The following HLCS variants were observed in gnomAD, a reference collection of about 807,000 sequenced individuals.
HLCS encodes the protein biotin--protein ligase.
HLCS carries 53 observed loss-of-function variants against 75.0 expected under a neutral mutation model. That is an observed-to-expected ratio of 0.71 (90% CI 0.57 to 0.89). HLCS has a LOEUF of 0.89. Among genes scored for constraint, HLCS ranks in the 40% least tolerant of loss-of-function variants. The pLI is 0.00. For synonymous variants in HLCS, 431 were observed against 428.6 expected, an observed-to-expected ratio of 1.01 and a Z score of -0.07; for missense variants, 966 against 1,074.0, an observed-to-expected ratio of 0.90 and a Z score of 1.41.
At position 36,896,928 on chromosome 21, in the gene HLCS, C is replaced by A. The variant is rs758837899; in HGVS notation, c.1824G>T (p.Gln608His). The A allele has an allele frequency of 6.2e-7, 1 of 1,614,194 alleles. No homozygotes were observed. Among genetic ancestry groups the A allele is most frequent in the South Asian group, 1.1e-5 (1 of 91,078 alleles). Residue 608 changes from glutamine to histidine, a missense_variant, in exon 6 of 11, where the codon CAG becomes CAT. Gln to His is a conservative substitution (Grantham distance 24). Coordinates refer to ENST00000674895, the MANE Select transcript of HLCS (RefSeq NM_001352514.2). Reference protein sequence around the residue: ...FNLEIYRQNLQTKQLGKVILF... With the variant: ...FNLEIYRQNLHTKQLGKVILF... ...AAATTACTTTCCCCAACTGCTTGGT[C>A]TGCAGATTTTGGCGATAGATCTCTA...
chr21:36,796,471 C>T (rs1033530720), intron 6 of HLCS, among the ~76,000 whole-genome samples: 1 of 152,156 alleles, frequency 6.6e-6, no homozygotes, highest in Non-Finnish European at 1.5e-5. Flanking sequence ...TTCCCAAAAG[C>T]ATATTTCTTT....
chr21:36,755,378 A>G (rs2089524636), intron 10 of HLCS, among the ~76,000 whole-genome samples: 1 of 151,832 alleles, frequency 6.6e-6, no homozygotes. Context: ...CACTCCAGTG[A>G]CAGAGCAAGA....
intron 6 of HLCS, among the ~76,000 whole-genome samples, chr21:36,813,628 C>T (rs2061575540): frequency 1.3e-5 from 2 of 152,102 alleles, no homozygotes; most frequent in Admixed American, 6.5e-5. Flanking sequence ...ATGAATCAGG[C>T]GGCTCATAAT....
At chr21:36,947,930 G>A (rs1270427954) in intron 2 of HLCS, 11 of 985,148 alleles carry the variant, frequency 1.1e-5, no homozygotes, top group South Asian at 4.7e-5. Context: ...TTAATTCAAC[G>A]TGAAATTGTT....
chr21:36,877,143 T>G (rs186964197), intron 6 of HLCS, among the ~76,000 whole-genome samples: 1 of 152,298 alleles, frequency 6.6e-6, no homozygotes, highest in Admixed American at 6.5e-5. Context: ...ATAATTGAAG[T>G]GTGTCTTGAA....
intron 6 of HLCS, among the ~76,000 whole-genome samples, chr21:36,858,734 G>A (rs768631145): frequency 1.3e-5 from 2 of 152,234 alleles, no homozygotes; most frequent in Non-Finnish European, 2.9e-5. Flanking sequence ...CCTGCCATGA[G>A]GACCTCTGGG....
chr21:36,962,938 A>G (rs1006573211), intron 1 of HLCS, among the ~76,000 whole-genome samples: 1 of 151,936 alleles, frequency 6.6e-6, no homozygotes, highest in Non-Finnish European at 1.5e-5. Flanking sequence ...TTTTCTTTAC[A>G]CCTTCCTTAT....
intron 6 of HLCS, among the ~76,000 whole-genome samples, chr21:36,886,210 T>A (rs2064450623): frequency 6.6e-6 from 1 of 151,822 alleles, no homozygotes. Context: ...GACGGGCGGA[T>A]CACGAGGTCA....
chr21:36,850,534 A>G (rs1015513252), intron 6 of HLCS, among the ~76,000 whole-genome samples: 1 of 152,200 alleles, frequency 6.6e-6, no homozygotes, highest in African/African-American at 2.4e-5. Flanking sequence ...CCCCTCCCAG[A>G]GGCCAGCCCC....
intron 6 of HLCS, among the ~76,000 whole-genome samples, chr21:36,866,889 A>G (rs1186698131): frequency 6.6e-6 from 1 of 151,786 alleles, no homozygotes; most frequent in Non-Finnish European, 1.5e-5. Flanking sequence ...CTATCCGATA[A>G]TATTTCTCCA....
At chr21:36,861,159 C>A (rs1017211886) in intron 6 of HLCS, among the ~76,000 whole-genome samples, 1 of 152,108 alleles carries the variant, frequency 6.6e-6, no homozygotes, top group African/African-American at 2.4e-5. Flanking sequence ...GCATATATAA[C>A]CTACCTTTTA....
intron 6 of HLCS, among the ~76,000 whole-genome samples, chr21:36,874,414 T>TAA (rs1393063915): frequency 3.4e-5 from 5 of 146,752 alleles, no homozygotes; most frequent in Non-Finnish European, 7.6e-5. Flanking sequence ...AAAAATAAAA[T>TAA]AAAATAAAAT....
chr21:36,763,300 G>A (rs115556512), intron 8 of HLCS, among the ~76,000 whole-genome samples: 1,869 of 152,242 alleles, frequency 0.012, 37 homozygotes, highest in African/African-American at 0.043. Flanking sequence ...ATGAGCCACC[G>A]CGCCTGGCCA....
intron 2 of HLCS, among the ~76,000 whole-genome samples, chr21:36,954,341 G>A (rs1412119213): frequency 6.6e-6 from 1 of 151,360 alleles, no homozygotes; most frequent in Non-Finnish European, 1.5e-5. Flanking sequence ...TAGGCCAGGT[G>A]CAGTGGCTCA....
At chr21:36,945,512 C>T (rs2067347585) in intron 2 of HLCS, among the ~76,000 whole-genome samples, 1 of 152,142 alleles carries the variant, frequency 6.6e-6, no homozygotes, top group Non-Finnish European at 1.5e-5. Context: ...CATGTTACAA[C>T]GTGGACGAAT....
intron 6 of HLCS, among the ~76,000 whole-genome samples, chr21:36,787,808 C>A (rs1416510422): frequency 6.6e-6 from 1 of 152,132 alleles, no homozygotes; most frequent in Non-Finnish European, 1.5e-5. Context: ...TGTGAAGATG[C>A]CTGATCAGCT....
chr21:36,920,552 T>G (rs1485459279), intron 5 of HLCS, among the ~76,000 whole-genome samples: 1 of 152,074 alleles, frequency 6.6e-6, no homozygotes, highest in Non-Finnish European at 1.5e-5. Context: ...GATAAATGCT[T>G]GAGAAGATAG....
intron 6 of HLCS, among the ~76,000 whole-genome samples, chr21:36,780,418 C>T (rs1019889279): frequency 1.6e-4 from 24 of 151,916 alleles, no homozygotes; most frequent in Non-Finnish European, 2.9e-4. Flanking sequence ...TGGGGTTTCA[C>T]CATGTTAGCC....
chr21:36,912,797 A>T (rs1178929196), intron 5 of HLCS, among the ~76,000 whole-genome samples: 2 of 151,956 alleles, frequency 1.3e-5, no homozygotes, highest in Non-Finnish European at 2.9e-5. Context: ...CCTGCAGACC[A>T]GGGGGAGCAA....
Sources: gnomAD v4.1 joint callset for allele counts (sites outside exome capture counted in the v4.1 genomes callset) on GRCh38, gnomAD v4.1.1 for gene constraint, MANE v1.5 for transcripts, NCBI Gene and HGNC (gene_info 2026-07-23, HGNC 2026-07-21) for gene names.